The following TAMM41 variants were observed in gnomAD, a reference collection of about 807,000 sequenced individuals.
TAMM41 encodes TAM41 mitochondrial translocator assembly and maintenance homolog, also known as phosphatidate cytidylyltransferase, mitochondrial.
Under a neutral mutation model 44.1 loss-of-function variants are expected in TAMM41, and 36 were observed. That is an observed-to-expected ratio of 0.82 (90% CI 0.63 to 1.08). The LOEUF (loss-of-function observed/expected upper bound fraction) is 1.08. Ranked by LOEUF, TAMM41 falls within the 50% of genes least tolerant of loss-of-function variation. TAMM41 has a pLI of 0.00. For synonymous variants in TAMM41, 164 were observed against 153.1 expected, an observed-to-expected ratio of 1.07 and a Z score of -0.53; for missense variants, 417 against 404.3, an observed-to-expected ratio of 1.03 and a Z score of -0.27.
intron 5 of TAMM41, among the ~76,000 whole-genome samples, chr3:11,813,843 T>TGTGC (rs1417723283): frequency 1.3e-5 from 2 of 150,208 alleles, no homozygotes; most frequent in Non-Finnish European, 2.9e-5. Flanking sequence ...TGTGTGTGTG[T>TGTGC]GTGTGTGTGT....
chr3:11,797,811 C>G (rs2077647164), intron 7 of TAMM41, among the ~76,000 whole-genome samples: 1 of 152,048 alleles, frequency 6.6e-6, no homozygotes, highest in Admixed American at 6.6e-5. Flanking sequence ...AAAAAACAAA[C>G]AGCCCCATTA....
the TAMM41 span, among the ~76,000 whole-genome samples, chr3:11,777,624 T>C: frequency 6.6e-6 from 1 of 152,044 alleles, no homozygotes; most frequent in Non-Finnish European, 1.5e-5. Flanking sequence ...TGAAACTCTG[T>C]CTCTACTAAA....
chr3:11,784,983 T>G, the TAMM41 span, among the ~76,000 whole-genome samples: 15 of 152,012 alleles, frequency 9.9e-5, no homozygotes, highest in Non-Finnish European at 1.5e-4. Context: ...GAGAGCATTT[T>G]CTTTTGTACA....
chr3:11,838,402 G>C (rs867852973), intron 3 of TAMM41, among the ~76,000 whole-genome samples: 3 of 152,144 alleles, frequency 2.0e-5, no homozygotes, highest in Admixed American at 1.3e-4. Flanking sequence ...ATTTTTAGTA[G>C]AGACGGGGTT....
the TAMM41 span, among the ~76,000 whole-genome samples, chr3:11,748,394 T>C: frequency 6.6e-6 from 1 of 151,856 alleles, no homozygotes; most frequent in Admixed American, 6.6e-5. Flanking sequence ...ACAATTCTCA[T>C]GCTTCAGCCT....
the TAMM41 span, among the ~76,000 whole-genome samples, chr3:11,740,343 G>C: frequency 6.6e-6 from 1 of 151,886 alleles, no homozygotes; most frequent in South Asian, 2.1e-4. Flanking sequence ...AGATTCATAG[G>C]TGTTTATAAC....
chr3:11,799,227 T>C (rs1219944895), intron 7 of TAMM41, among the ~76,000 whole-genome samples: 1 of 151,930 alleles, frequency 6.6e-6, no homozygotes, highest in African/African-American at 2.4e-5. Flanking sequence ...ACCATTGCAC[T>C]CTGGCCTGAG....
chr3:11,792,183 T>G (rs9876470), intron 7 of TAMM41, among the ~76,000 whole-genome samples: 2,600 of 152,112 alleles, frequency 0.017, 61 homozygotes, highest in African/African-American at 0.051. Flanking sequence ...ATTTTTTTTT[T>G]TTGTTGCTGC....
chr3:11,741,776 C>G, the TAMM41 span, among the ~76,000 whole-genome samples: 7 of 150,008 alleles, frequency 4.7e-5, no homozygotes, highest in Admixed American at 4.6e-4. Context: ...TTTGGACTAT[C>G]CCAATTGCCA....
chr3:11,779,249 A>G, the TAMM41 span, among the ~76,000 whole-genome samples: 1 of 152,086 alleles, frequency 6.6e-6, no homozygotes, highest in Non-Finnish European at 1.5e-5. Flanking sequence ...CAGATGCCCA[A>G]TCTTGAACTT....
chr3:11,820,689 G>A (rs993099546), intron 4 of TAMM41, among the ~76,000 whole-genome samples: 4 of 152,176 alleles, frequency 2.6e-5, no homozygotes, highest in Non-Finnish European at 4.4e-5. Context: ...GGCACAGCAC[G>A]AACCAGCATC....
the TAMM41 span, among the ~76,000 whole-genome samples, chr3:11,765,775 C>T: frequency 6.6e-6 from 1 of 150,806 alleles, no homozygotes; most frequent in Non-Finnish European, 1.5e-5. Flanking sequence ...GATCTCAGCT[C>T]ACTGCAAGCT....
chr3:11,737,099 C>G, the TAMM41 span, among the ~76,000 whole-genome samples: 2 of 151,968 alleles, frequency 1.3e-5, no homozygotes, highest in African/African-American at 4.8e-5. Context: ...CGGACTGATT[C>G]TCCAGCCTTC....
chr3:11,727,201 T>G, the TAMM41 span, among the ~76,000 whole-genome samples: 1 of 152,172 alleles, frequency 6.6e-6, no homozygotes, highest in South Asian at 2.1e-4. Context: ...GACATTAAAT[T>G]ACTTGTCCAA....
the TAMM41 span, among the ~76,000 whole-genome samples, chr3:11,777,832 T>TA: frequency 6.6e-6 from 1 of 152,042 alleles, no homozygotes; most frequent in Non-Finnish European, 1.5e-5. Context: ...TTTTTATTTA[T>TA]AGAGTTGTAC....
chr3:11,802,028 G>A (rs1343783527), intron 7 of TAMM41, among the ~76,000 whole-genome samples: 1 of 152,126 alleles, frequency 6.6e-6, no homozygotes, highest in Non-Finnish European at 1.5e-5. Context: ...AGACCAGCCA[G>A]GGCAATGTGG....
chr3:11,835,453 G>A (rs1431622864), intron 3 of TAMM41, among the ~76,000 whole-genome samples: 1 of 152,148 alleles, frequency 6.6e-6, no homozygotes. Flanking sequence ...ATTGCTATCA[G>A]TAACATTTTC....
intron 7 of TAMM41, among the ~76,000 whole-genome samples, chr3:11,795,509 C>T (rs2077583738): frequency 6.6e-6 from 1 of 152,176 alleles, no homozygotes; most frequent in African/African-American, 2.4e-5. Flanking sequence ...CTGGCTGTAG[C>T]CATATCTATT....
rs529651415 is a variant in TAMM41, at chr3:11,812,422, C to T, written c.709-2740G>A. On this transcript the variant is annotated intron_variant, in intron 5 of 7. Transcript: ENST00000455809. Reference sequence around the variant, plus strand: ...ACACATCCTGAATCAATCACCATTACGCTGTACTATATTCCCAACTGGCAG... The same window carrying T: ...ACACATCCTGAATCAATCACCATTATGCTGTACTATATTCCCAACTGGCAG... Among the ~76,000 whole-genome samples, 69 of 152,230 alleles carry T rather than the reference C, an allele frequency of 4.5e-4. No homozygotes were observed. In the South Asian group the frequency reaches 0.014, roughly 31 times the overall value.
Sources: allele counts gnomAD v4.1 joint callset (sites outside exome capture counted in the v4.1 genomes callset), GRCh38; gene constraint gnomAD v4.1.1; transcripts MANE v1.5; gene names NCBI Gene and HGNC (gene_info 2026-07-23, HGNC 2026-07-21).